Variants in ARL14EPL observed in about 807,000 individuals in gnomAD.
ARL14EPL encodes the protein ARL14 effector protein-like.
Under a neutral mutation model 15.9 loss-of-function variants are expected in ARL14EPL, and 17 were observed. That is an observed-to-expected ratio of 1.07 (90% CI 0.73 to 1.60). The LOEUF (loss-of-function observed/expected upper bound fraction) is 1.60. ARL14EPL is among the 40% of genes most tolerant of loss of function. The probability of loss-of-function intolerance (pLI) is 0.00; values close to 1 mark genes in which losing one functional copy is unlikely to be tolerated. For synonymous variants in ARL14EPL, 78 were observed against 63.8 expected, an observed-to-expected ratio of 1.22 and a Z score of -1.06; for missense variants, 214 against 185.9, an observed-to-expected ratio of 1.15 and a Z score of -0.88.
intron 1 of ARL14EPL, among the ~76,000 whole-genome samples, chr5:116,035,766 A>C (rs1317419639): frequency 6.6e-6 from 1 of 152,172 alleles, no homozygotes; most frequent in Non-Finnish European, 1.5e-5. Flanking sequence ...AGCCCCTTGG[A>C]GCTGGACTCA....
intron 1 of ARL14EPL, 148 bp downstream of exon 1, chr5:116,032,653 C>T (rs1180258960): frequency 6.6e-6 from 1 of 152,060 alleles, no homozygotes; most frequent in East Asian, 1.9e-4. Flanking sequence ...TTAACTTTAT[C>T]TTAAGTACAT....
At chr5:116,056,500 T>C (rs1252726675) in intron 3 of ARL14EPL, among the ~76,000 whole-genome samples, 1 of 152,174 alleles carries the variant, frequency 6.6e-6, no homozygotes, top group African/African-American at 2.4e-5. Flanking sequence ...GGTTGTTTGT[T>C]TTTTTCTTGT....
Position 116,058,848 on chromosome 5 carries a change from T to G in ARL14EPL, c.360T>G (p.Cys120Trp), listed in dbSNP as rs753940247. The G allele has an allele frequency of 1.3e-6, 2 of 1,536,116 alleles. No homozygotes were observed. Among genetic ancestry groups the G allele is most frequent in the South Asian group, 1.2e-5 (1 of 84,066 alleles). ...YPCPKCNSNK[C>W]GPECRCNRRW... is the part of the protein sequence containing the mutation. ...GCCCGAAGTGTAACTCCAACAAGTG[T>G]GGGCCCGAGTGCCGCTGCAACCGAC... Residue 120 changes from cysteine to tryptophan, a missense_variant, in exon 4 of 4, where the codon TGT (cysteine) becomes TGG (tryptophan). Transcript: ENST00000686077.
At chr5:116,050,785 T>TCC (rs1749356877) in intron 1 of ARL14EPL, among the ~76,000 whole-genome samples, 1 of 115,454 alleles carries the variant, frequency 8.7e-6, no homozygotes. Flanking sequence ...GCTCCATCTC[T>TCC]CTCTCTCTCT....
intron 1 of ARL14EPL, among the ~76,000 whole-genome samples, chr5:116,035,726 T>C (rs1023004323): frequency 3.9e-5 from 6 of 152,158 alleles, no homozygotes; most frequent in Non-Finnish European, 8.8e-5. Flanking sequence ...TCAACTTGAC[T>C]GGGGCTGCTG....
At chr5:116,043,194 T>A (rs1244515308) in intron 1 of ARL14EPL, among the ~76,000 whole-genome samples, 3 of 151,446 alleles carry the variant, frequency 2.0e-5, no homozygotes, top group Non-Finnish European at 2.9e-5. Context: ...CAAAAGTAAT[T>A]GCGATTTTGC....
rs76655276 is a variant in ARL14EPL at position 116,033,164 on chromosome 5, A to G, written c.-10+659A>G. Among the ~76,000 whole-genome samples, 28 of 152,270 alleles carry G rather than the reference A, an allele frequency of 1.8e-4. No homozygotes were observed. The East Asian group carries it at 5.0e-3, about 27-fold the overall frequency. ...GAAATAACAACTCTCTGCTAGGTAC[A>G]TATTACCACCTCCTTTTACTACAGG... On this transcript the variant is annotated intron_variant, in intron 1 of 3. Coordinates refer to ENST00000686077, the MANE Select transcript of ARL14EPL (RefSeq NM_001195581.2).
At chr5:116,036,150 G>A (rs1749046630) in intron 1 of ARL14EPL, among the ~76,000 whole-genome samples, 3 of 152,190 alleles carry the variant, frequency 2.0e-5, no homozygotes, top group African/African-American at 7.2e-5. Flanking sequence ...ACCTCAACAC[G>A]TGGGGAAATA....
intron 1 of ARL14EPL, among the ~76,000 whole-genome samples, chr5:116,041,236 G>A (rs1749151388): frequency 6.6e-6 from 1 of 151,926 alleles, no homozygotes; most frequent in Admixed American, 6.6e-5. Flanking sequence ...TCTATTCTAT[G>A]GCTTTTGGCA....
At chr5:116,045,160 G>A (rs573576394) in intron 1 of ARL14EPL, among the ~76,000 whole-genome samples, 2 of 152,096 alleles carry the variant, frequency 1.3e-5, no homozygotes, top group East Asian at 3.9e-4. Context: ...TGCTATATTC[G>A]TGTGTTATGC....
intron 1 of ARL14EPL, among the ~76,000 whole-genome samples, chr5:116,048,743 A>G (rs913890834): frequency 6.6e-6 from 1 of 152,142 alleles, no homozygotes; most frequent in Non-Finnish European, 1.5e-5. Flanking sequence ...TGGGTATGAC[A>G]GAAGATGAGC....
At chr5:116,057,760 A>G (rs1749554615) in intron 3 of ARL14EPL, among the ~76,000 whole-genome samples, 1 of 152,212 alleles carries the variant, frequency 6.6e-6, no homozygotes, top group African/African-American at 2.4e-5. Flanking sequence ...ATGGAACGAT[A>G]TTACTTAGCG....
chr5:116,046,388 G>A (rs1749268388), intron 1 of ARL14EPL, among the ~76,000 whole-genome samples: 1 of 152,174 alleles, frequency 6.6e-6, no homozygotes, highest in African/African-American at 2.4e-5. Context: ...ACAATCAACT[G>A]ATGAAAATTC....
intron 1 of ARL14EPL, among the ~76,000 whole-genome samples, chr5:116,037,748 T>C (rs148055656): frequency 4.6e-4 from 70 of 152,310 alleles, no homozygotes; most frequent in African/African-American, 1.6e-3. Flanking sequence ...AGGAAATGGG[T>C]AAATATAGGA....
At position 116,050,081 on chromosome 5, in the gene ARL14EPL, AG is replaced by A. The variant is rs553075710; in HGVS notation, c.-9-1375del. ...AAATAGCTGTTATTTACTTTTCCTG[AG>A]AACCATTGTTTGAATTTTATAAGGA... On this transcript the variant is annotated intron_variant, in intron 1 of 3. Coordinates refer to ENST00000686077, the MANE Select transcript of ARL14EPL (RefSeq NM_001195581.2). 3.7e-3 allele frequency among the ~76,000 whole-genome samples: 560 copies of A among 152,342 alleles called. 4 individuals carry two copies. The highest frequency in any genetic ancestry group is 0.013 in the African/African-American group (527 of 41,572).
Position 116,034,673 on chromosome 5 carries a change from T to C in ARL14EPL, c.-10+2168T>C, listed in dbSNP as rs570366898. 1.2e-4 allele frequency among the ~76,000 whole-genome samples: 16 copies of C among 133,130 alleles called. No homozygotes were observed. In the South Asian group the frequency reaches 3.8e-3, roughly 32 times the overall value. The allele number at this position is 133,130 out of a possible 152,430, so 87.3% of individuals were successfully genotyped here. On this transcript the variant is annotated intron_variant, in intron 1 of 3. Transcript: ENST00000686077. ...AAAATTCTTCTACCTGCTGAGTGTCTTCTGTGGGTGATATACCATTTGAGC... is the reference window on the plus strand; with the variant it reads ...AAAATTCTTCTACCTGCTGAGTGTCCTCTGTGGGTGATATACCATTTGAGC...
At chr5:116,042,279 G>A (rs962704088) in intron 1 of ARL14EPL, among the ~76,000 whole-genome samples, 1 of 152,148 alleles carries the variant, frequency 6.6e-6, no homozygotes, top group African/African-American at 2.4e-5. Flanking sequence ...AGACCTTTGA[G>A]CACTTTGAAG....
At chr5:116,051,422 T>C (rs1541802) in intron 1 of ARL14EPL, 35 bp from the exon 2 acceptor site, 159,967 of 1,262,338 alleles carry the variant, frequency 0.13, 11,004 homozygotes, top group South Asian at 0.18. Flanking sequence ...ATAGATGATA[T>C]TAATATGTTT....
chr5:116,044,250 T>C (rs1001445198), intron 1 of ARL14EPL, among the ~76,000 whole-genome samples: 2 of 152,176 alleles, frequency 1.3e-5, no homozygotes, highest in Non-Finnish European at 2.9e-5. Context: ...GTTTACCCTA[T>C]AATTCACGAG....
Sources: allele counts gnomAD v4.1 joint callset (sites outside exome capture counted in the v4.1 genomes callset), GRCh38; gene constraint gnomAD v4.1.1; transcripts MANE v1.5; gene names NCBI Gene and HGNC (gene_info 2026-07-23, HGNC 2026-07-21).